Variants in SPON1 observed in about 807,000 individuals in gnomAD.
SPON1 encodes spondin 1, also known as spondin-1.
SPON1 carries 52 observed loss-of-function variants against 111.7 expected under a neutral mutation model. That is an observed-to-expected ratio of 0.47 (90% CI 0.37 to 0.59). The LOEUF (loss-of-function observed/expected upper bound fraction) is 0.59, where lower values mean the gene tolerates loss of function less well. Among genes scored for constraint, SPON1 ranks in the 20% least tolerant of loss-of-function variants. The probability of loss-of-function intolerance (pLI) is 0.00; values close to 1 mark genes in which losing one functional copy is unlikely to be tolerated. For synonymous variants in SPON1, 410 were observed against 395.8 expected (o/e 1.04, Z -0.43); for missense variants, 957 against 1,068.5 (o/e 0.90, Z 1.46).
At chr11:14,189,625 C>T (rs1848323564) in intron 6 of SPON1, among the ~76,000 whole-genome samples, 1 of 152,170 alleles carries the variant, frequency 6.6e-6, no homozygotes, top group African/African-American at 2.4e-5. Flanking sequence ...ACTTCTTTCC[C>T]GATTGTCTCC....
intron 6 of SPON1, among the ~76,000 whole-genome samples, chr11:14,179,945 C>T (rs932566281): frequency 5.9e-5 from 9 of 152,174 alleles, no homozygotes; most frequent in African/African-American, 1.9e-4. Context: ...ATTCTCTTCT[C>T]TTCGTCCTCA....
Position 14,129,171 on chromosome 11 carries a change from A to G in SPON1, c.677-6249A>G, listed in dbSNP as rs143530831. 2.6e-3 allele frequency among the ~76,000 whole-genome samples: 394 copies of G among 151,822 alleles called. 2 individuals are homozygous for G. Among genetic ancestry groups the G allele is most frequent in the African/African-American group, 8.7e-3 (356 of 41,112 alleles). ...ATTTCTCTTGAATTTCTCCCCAGAA[A>G]ATGTTTTTTTTTTCTTACCACATAG... On this transcript the variant is annotated intron_variant, in intron 5 of 15. Coordinates refer to ENST00000576479, the MANE Select transcript of SPON1 (RefSeq NM_006108.4).
At chr11:14,097,150 C>A (rs1849108023) in intron 5 of SPON1, among the ~76,000 whole-genome samples, 1 of 152,170 alleles carries the variant, frequency 6.6e-6, no homozygotes, top group South Asian at 2.1e-4. Context: ...ATTCCCAAAT[C>A]TTCTCTCTTT....
At chr11:14,231,082 G>A (rs1490629660) in intron 6 of SPON1, among the ~76,000 whole-genome samples, 1 of 151,780 alleles carries the variant, frequency 6.6e-6, no homozygotes, top group Non-Finnish European at 1.5e-5. Context: ...CAAAGTGCTG[G>A]GATTACAGGC....
chr11:14,147,041 TTTTTTTG>T (rs1381821265), intron 6 of SPON1, among the ~76,000 whole-genome samples: 2 of 136,068 alleles, frequency 1.5e-5, no homozygotes, highest in African/African-American at 5.6e-5. Context: ...TTTTTTTTTT[TTTTTTTG>T]AGACGGAGTC....
intron 3 of SPON1, among the ~76,000 whole-genome samples, chr11:14,069,340 GC>G (rs1162218105): frequency 6.6e-6 from 1 of 152,152 alleles, no homozygotes; most frequent in Non-Finnish European, 1.5e-5. Flanking sequence ...AATATCTTAT[GC>G]TTAACTTTCT....
At chr11:14,150,957 T>C (rs1314218452) in intron 6 of SPON1, among the ~76,000 whole-genome samples, 4 of 152,200 alleles carry the variant, frequency 2.6e-5, no homozygotes, top group Non-Finnish European at 5.9e-5. Context: ...ATAGCAGTTT[T>C]TGTTGTTACG....
intron 1 of SPON1, among the ~76,000 whole-genome samples, chr11:13,964,819 C>T (rs1282726852): frequency 1.3e-5 from 2 of 152,104 alleles, no homozygotes; most frequent in Non-Finnish European, 2.9e-5. Context: ...ACTTCAGTGG[C>T]CTATTCGGCC....
intron 6 of SPON1, among the ~76,000 whole-genome samples, chr11:14,206,705 T>G (rs2133899664): frequency 6.6e-6 from 1 of 152,146 alleles, no homozygotes; most frequent in Admixed American, 6.5e-5. Flanking sequence ...CAAGGATAAC[T>G]ACAAAATACT....
At chr11:14,251,273 A>T (rs1849050196) in intron 7 of SPON1, among the ~76,000 whole-genome samples, 1 of 152,248 alleles carries the variant, frequency 6.6e-6, no homozygotes, top group Non-Finnish European at 1.5e-5. Flanking sequence ...CTATCACCCA[A>T]GATAAGTCAG....
At chr11:14,081,072 A>C (rs2133832747) in intron 5 of SPON1, among the ~76,000 whole-genome samples, 1 of 152,142 alleles carries the variant, frequency 6.6e-6, no homozygotes, top group Admixed American at 6.5e-5. Flanking sequence ...CAGCAGAGCA[A>C]GACTCTGACT....
intron 3 of SPON1, among the ~76,000 whole-genome samples, chr11:14,048,787 G>C (rs1375616215): frequency 6.6e-6 from 1 of 152,206 alleles, no homozygotes; most frequent in African/African-American, 2.4e-5. Flanking sequence ...GTACCCTTCA[G>C]TCTGACAAAA....
At chr11:14,146,521 C>A (rs1358270650) in intron 6 of SPON1, among the ~76,000 whole-genome samples, 2 of 151,822 alleles carry the variant, frequency 1.3e-5, no homozygotes, top group African/African-American at 4.8e-5. Flanking sequence ...AATATTCCCC[C>A]CAAAAAAAAT....
chr11:13,998,148 C>T (rs1848288134), intron 2 of SPON1, among the ~76,000 whole-genome samples: 1 of 152,142 alleles, frequency 6.6e-6, no homozygotes, highest in Admixed American at 6.5e-5. Flanking sequence ...ACATACACAC[C>T]CATGAAGTAG....
intron 2 of SPON1, among the ~76,000 whole-genome samples, chr11:13,987,601 G>A (rs549227613): frequency 6.6e-4 from 101 of 152,230 alleles, no homozygotes; most frequent in Non-Finnish European, 1.1e-3. Context: ...CTTTGCTTTG[G>A]TGTTTTAGAC....
chr11:14,136,904 G>A (rs926210576), intron 6 of SPON1, among the ~76,000 whole-genome samples: 14 of 152,182 alleles, frequency 9.2e-5, no homozygotes, highest in Admixed American at 2.6e-4. Flanking sequence ...ATTGGTGCTA[G>A]TCTGTCTGGC....
intron 6 of SPON1, among the ~76,000 whole-genome samples, chr11:14,221,711 G>A (rs1276940180): frequency 1.3e-5 from 2 of 152,110 alleles, no homozygotes. Context: ...TTATCAATGG[G>A]GGGTTCTCTG....
intron 2 of SPON1, among the ~76,000 whole-genome samples, chr11:13,999,215 CTT>C (rs1848297156): frequency 6.6e-6 from 1 of 152,106 alleles, no homozygotes; most frequent in African/African-American, 2.4e-5. Flanking sequence ...AGAAAACCCT[CTT>C]ATTTCATTTA....
chr11:14,046,348 G>A (rs974789108), intron 3 of SPON1, among the ~76,000 whole-genome samples: 4 of 152,100 alleles, frequency 2.6e-5, no homozygotes, highest in Admixed American at 1.3e-4. Context: ...TAATCTTTAC[G>A]GAGTATTCTC....
Sources: allele counts gnomAD v4.1 joint callset (sites outside exome capture counted in the v4.1 genomes callset), GRCh38; gene constraint gnomAD v4.1.1; transcripts MANE v1.5; gene names NCBI Gene and HGNC (gene_info 2026-07-23, HGNC 2026-07-21).